The following PNPO variants were observed in gnomAD, a reference collection of about 807,000 sequenced individuals.
PNPO encodes pyridoxine-5'-phosphate oxidase.
Under a neutral mutation model 35.0 loss-of-function variants are expected in PNPO, and 39 were observed. The ratio of observed to expected loss-of-function variants is 1.11; its 90% CI spans 0.86 to 1.45. PNPO has a LOEUF of 1.45. Ranked by LOEUF, PNPO falls within the 40% of genes most tolerant of loss-of-function variation. PNPO has a pLI of 0.00. For missense variants in PNPO, 288 were observed against 340.0 expected (o/e 0.85, Z 1.20); for synonymous variants, 115 against 119.8 (o/e 0.96, Z 0.26).
intron 1 of PNPO, chr17:47,942,019 A>C: frequency 7.5e-7 from 1 of 1,335,258 alleles, no homozygotes; most frequent in East Asian, 2.8e-5. Context: ...AACGCAAATG[A>C]AGATGGGTTC....
Position 47,945,503 on chromosome 17 carries a change from C to A in PNPO, c.364-56C>A. On this transcript the variant is annotated intron_variant, in intron 3 of 6. Coordinates refer to ENST00000642017, the MANE Select transcript of PNPO (RefSeq NM_018129.4). The surrounding 1 kb of genome is among the most constrained non-coding windows in gnomAD (Gnocchi z 4.0). Reference sequence around the variant, plus strand: ...GCTCTCCTGCCTTTTCCCTGCATGCCGGAGGCCTCCTCTCCCTGTCCTGAT... The same window carrying A: ...GCTCTCCTGCCTTTTCCCTGCATGCAGGAGGCCTCCTCTCCCTGTCCTGAT... 2.1e-6 allele frequency: 3 copies of A among 1,397,666 alleles called. No individual in the cohort carries two copies. Among genetic ancestry groups the A allele is most frequent in the Non-Finnish European group, 1.0e-6 (1 of 982,846 alleles). The allele number at this position is 1,397,666 out of a possible 1,614,324, so 86.6% of individuals were successfully genotyped here.
chr17:47,946,072 A>T, intron 5 of PNPO, 83 bp downstream of exon 5: 1 of 1,537,950 alleles, frequency 6.5e-7, no homozygotes, highest in Non-Finnish European at 8.9e-7. Context: ...ATGCCAGGAG[A>T]TGTCCCCAGG....
intron 2 of PNPO, among the ~76,000 whole-genome samples, 155 bp from the exon 3 acceptor site, chr17:47,944,461 G>A (rs2035983020): frequency 6.6e-6 from 1 of 152,062 alleles, no homozygotes; most frequent in South Asian, 2.1e-4. Context: ...CATACCTCTA[G>A]GACAAATCCC....
At position 47,941,657 on chromosome 17, in the gene PNPO, A is replaced by G. The variant is rs886053099; in HGVS notation, c.-19A>G. 5.3e-6 allele frequency: 8 copies of G among 1,523,054 alleles called. No homozygotes were observed. The East Asian group carries it at 2.0e-4, about 38-fold the overall frequency. 94.3% of individuals were successfully genotyped at this position (1,523,054 alleles called of 1,614,324 possible). A position where few individuals can be genotyped will look rare whatever the true frequency, so the allele number is the denominator to read the frequency against. On this transcript the variant is annotated 5_prime_UTR_variant, in exon 1 of 7. Transcript: ENST00000642017. ...CCCAGTGCCGGGCCACAGCCGGGTCACGTGGCCGGCGGCCCCCCATGACGT... is the reference window on the plus strand; with the variant it reads ...CCCAGTGCCGGGCCACAGCCGGGTCGCGTGGCCGGCGGCCCCCCATGACGT...
chr17:47,946,045 G>T, intron 5 of PNPO, 56 bp downstream of exon 5: 1 of 1,605,600 alleles, frequency 6.2e-7, no homozygotes. Context: ...CTTATCCCCA[G>T]AAGCTGTCCC....
At chr17:47,942,045 G>T in intron 1 of PNPO, 1 of 1,320,518 alleles carries the variant, frequency 7.6e-7, no homozygotes, top group Non-Finnish European at 9.7e-7. Flanking sequence ...GCAGCCTTTC[G>T]TAATGGGTAA....
chr17:47,946,584 G>A (rs1197764346), intron 6 of PNPO, 30 bp from the exon 7 acceptor site: 1 of 1,612,124 alleles, frequency 6.2e-7, no homozygotes, highest in South Asian at 1.1e-5. Context: ...AAACTCCACA[G>A]AGCACTGAAA....
Position 47,941,684 on chromosome 17 carries a change from C to A in PNPO, c.9C>A (p.Cys3Ter), listed in dbSNP as rs1261860464. The change falls in exon 1 of 7, where the codon TGC (cysteine) becomes TGA (stop). Residue 3 changes from cysteine (C) to a stop codon, truncating the protein, a stop_gained. Coordinates refer to ENST00000642017, the MANE Select transcript of PNPO (RefSeq NM_018129.4). LOFTEE classifies it high-confidence loss of function. ...GTGGCCGGCGGCCCCCCATGACGTG[C>A]TGGCTGCGGGGCGTCACGGCGACGT... MT[C>*]WLRGVTATFG... 6.5e-7 allele frequency: 1 copy of A among 1,538,616 alleles called. No homozygotes were observed. Among genetic ancestry groups the A allele is most frequent in the Non-Finnish European group, 8.8e-7 (1 of 1,139,270 alleles).
rs763464383 is a variant in PNPO at position 47,945,630 on chromosome 17, G to T, written c.417+18G>T. The T allele has an allele frequency of 3.1e-6, 5 of 1,605,574 alleles. No individual in the cohort carries two copies. In the South Asian group the frequency reaches 5.5e-5, roughly 18 times the overall value. On this transcript the variant is annotated intron_variant, in intron 4 of 6. Coordinates refer to ENST00000642017, the MANE Select transcript of PNPO (RefSeq NM_018129.4). This position sits in a 1 kb window ranked among gnomAD's most constrained non-coding sequence, Gnocchi z 4.0. Reference sequence around the variant, plus strand: ...ACCGTCAGGTGAGTGAATTTTCCCAGGACAGCCTGGGATGGGCTGGGTTGG... The same window carrying T: ...ACCGTCAGGTGAGTGAATTTTCCCATGACAGCCTGGGATGGGCTGGGTTGG...
rs1430308174 is a variant in PNPO at position 47,946,701 on chromosome 17, C to A, written c.705C>A (p.Gly235=). The A allele has an allele frequency of 1.2e-6, 2 of 1,614,120 alleles. No individual in the cohort carries two copies. The highest frequency in any genetic ancestry group is 4.5e-5 in the East Asian group (2 of 44,878). Reference sequence around the variant, plus strand: ...ATGACCGGATAGTCTTTCGGCGGGGCCTACCCACAGGAGATTCCCCTTTGG... The same window carrying A: ...ATGACCGGATAGTCTTTCGGCGGGGACTACCCACAGGAGATTCCCCTTTGG... ...RLHDRIVFRR[G]LPTGDSPLGP... is the part of the protein sequence containing the mutation. The change falls in exon 7 of 7, where the codon GGC becomes GGA. Residue 235 remains glycine, a synonymous_variant. Transcript: ENST00000642017.
chr17:47,945,205 C>A lies in PNPO; in HGVS notation c.364-354C>A, dbSNP rs1020150372. ...GTTGTCAGACCCAGAGTGGGCACTT[C>A]GCGTGCATTCAATGAATGAATCCAA... On this transcript the variant is annotated intron_variant, in intron 3 of 6. Coordinates refer to ENST00000642017, the MANE Select transcript of PNPO (RefSeq NM_018129.4). The surrounding 1 kb of genome is among the most constrained non-coding windows in gnomAD (Gnocchi z 4.0). 12 of 390,104 alleles carry A rather than the reference C, an allele frequency of 3.1e-5. 1 individual carries two copies. The highest frequency in any genetic ancestry group is 2.4e-4 in the South Asian group (11 of 46,242). 24.2% of individuals were successfully genotyped at this position (390,104 alleles called of 1,614,324 possible). A position where few individuals can be genotyped will look rare whatever the true frequency, so the allele number is the denominator to read the frequency against.
At position 47,945,495 on chromosome 17, in the gene PNPO, C is replaced by G; in HGVS notation, c.364-64C>G. On this transcript the variant is annotated intron_variant, in intron 3 of 6. Transcript: ENST00000642017. The surrounding 1 kb of genome is among the most constrained non-coding windows in gnomAD (Gnocchi z 4.0). ...GCACTACAGCTCTCCTGCCTTTTCCCTGCATGCCGGAGGCCTCCTCTCCCT... is the reference window on the plus strand; with the variant it reads ...GCACTACAGCTCTCCTGCCTTTTCCGTGCATGCCGGAGGCCTCCTCTCCCT... The G allele has an allele frequency of 7.6e-7, 1 of 1,311,306 alleles. No homozygotes were observed. The highest frequency in any genetic ancestry group is 1.1e-6 in the Non-Finnish European group (1 of 904,006). 81.2% of individuals were successfully genotyped at this position (1,311,306 alleles called of 1,614,324 possible). A position where few individuals can be genotyped will look rare whatever the true frequency, so the allele number is the denominator to read the frequency against.
At position 47,946,790 on chromosome 17, in the gene PNPO, A is replaced by T; in HGVS notation, c.*8A>T. On this transcript the variant is annotated 3_prime_UTR_variant, in exon 7 of 7. Transcript: ENST00000642017. ...GAGAGACTTGCACCTTAACTCTGGG[A>T]CCTGCTGGCCCAGAGTGGAGCTAGG... is the stretch of plus-strand genomic sequence containing the variant. The T allele has an allele frequency of 1.1e-5, 17 of 1,612,866 alleles. No homozygotes were observed. The highest frequency in any genetic ancestry group is 1.4e-5 in the Non-Finnish European group (17 of 1,179,112).
rs1167737704 is a variant in PNPO, at chr17:47,945,371, T to C, written c.364-188T>C. The C allele has an allele frequency of 9.8e-6, 6 of 614,502 alleles. No individual in the cohort carries two copies. Among genetic ancestry groups the C allele is most frequent in the East Asian group, 2.9e-5 (1 of 34,602 alleles). 38.1% of individuals were successfully genotyped at this position (614,502 alleles called of 1,614,324 possible). A position where few individuals can be genotyped will look rare whatever the true frequency, so the allele number is the denominator to read the frequency against. On this transcript the variant is annotated intron_variant, in intron 3 of 6. Coordinates refer to ENST00000642017, the MANE Select transcript of PNPO (RefSeq NM_018129.4). This position sits in a 1 kb window ranked among gnomAD's most constrained non-coding sequence, Gnocchi z 4.0. ...AGCTCCACCACTTCCTGCAGGAACT[T>C]GGGCACGTGACTTAGCCTGTCTCTG...
rs1225983053 is a variant in PNPO, at chr17:47,945,696, G to A, written c.417+84G>A. On this transcript the variant is annotated intron_variant, in intron 4 of 6. Coordinates refer to ENST00000642017, the MANE Select transcript of PNPO (RefSeq NM_018129.4). The surrounding 1 kb of genome is among the most constrained non-coding windows in gnomAD (Gnocchi z 4.0). ...TGGCTACGTCTAGCGAAGGTCCCCAGACTGGGCAAACATCCCAGCTGGGCA... is the reference window on the plus strand; with the variant it reads ...TGGCTACGTCTAGCGAAGGTCCCCAAACTGGGCAAACATCCCAGCTGGGCA... 1.4e-6 allele frequency: 2 copies of A among 1,456,528 alleles called. No individual in the cohort carries two copies. The highest frequency in any genetic ancestry group is 1.7e-5 in the Admixed American group (1 of 59,716). 90.2% of individuals were successfully genotyped at this position (1,456,528 alleles called of 1,614,324 possible). A position where few individuals can be genotyped will look rare whatever the true frequency, so the allele number is the denominator to read the frequency against.
At position 47,945,748 on chromosome 17, in the gene PNPO, A is replaced by C. The variant is rs1364906628; in HGVS notation, c.418-113A>C. 1 of 1,478,532 alleles carries C rather than the reference A, an allele frequency of 6.8e-7. No homozygotes were observed. The highest frequency in any genetic ancestry group is 1.4e-5 in the African/African-American group (1 of 72,298). 91.6% of individuals were successfully genotyped at this position (1,478,532 alleles called of 1,614,324 possible). ...TCTGCCTCTAAAATAGCCCTCAGTTAGTTGGAGCCAAGAGTGGTGGGGCAG... is the reference window on the plus strand; with the variant it reads ...TCTGCCTCTAAAATAGCCCTCAGTTCGTTGGAGCCAAGAGTGGTGGGGCAG... On this transcript the variant is annotated intron_variant, in intron 4 of 6. Transcript: ENST00000642017. This position sits in a 1 kb window ranked among gnomAD's most constrained non-coding sequence, Gnocchi z 4.0.
At position 47,944,649 on chromosome 17, in the gene PNPO, G is replaced by A. The variant is rs2144162979; in HGVS notation, c.297G>A (p.Leu99=). 1.9e-6 allele frequency: 3 copies of A among 1,614,190 alleles called. No individual in the cohort carries two copies. Among genetic ancestry groups the A allele is most frequent in the Non-Finnish European group, 2.5e-6 (3 of 1,180,006 alleles). ...DGKPSARMLL[L]KGFGKDGFRF... ...AACCCTCTGCTCGCATGTTGCTGCT[G>A]AAGGGCTTCGGGAAAGATGGCTTCC... The change falls in exon 3 of 7, where the codon CTG becomes CTA. Residue 99 remains leucine (L), a synonymous_variant. Coordinates refer to ENST00000642017, the MANE Select transcript of PNPO (RefSeq NM_018129.4).
intron 1 of PNPO, among the ~76,000 whole-genome samples, chr17:47,942,718 A>C (rs935599530): frequency 1.3e-5 from 2 of 152,176 alleles, no homozygotes; most frequent in Non-Finnish European, 1.5e-5. Flanking sequence ...GCTTGTTTAA[A>C]ATGCAGTTTT....
intron 6 of PNPO, 64 bp from the exon 7 acceptor site, chr17:47,946,550 G>A: frequency 6.4e-7 from 1 of 1,553,886 alleles, no homozygotes; most frequent in Non-Finnish European, 8.9e-7. Flanking sequence ...TGAGGGGTGA[G>A]GGTGGGAGAG....
Sources: allele counts gnomAD v4.1 joint callset (sites outside exome capture counted in the v4.1 genomes callset), GRCh38; gene constraint gnomAD v4.1.1; non-coding constraint Gnocchi (gnomAD v3.1); transcripts MANE v1.5; gene names NCBI Gene and HGNC (gene_info 2026-07-23, HGNC 2026-07-21).